TNK2: variants seen among roughly 807,000 people sequenced by gnomAD.
The protein encoded by TNK2 is tyrosine kinase non receptor 2.
Under a neutral mutation model 101.8 loss-of-function variants are expected in TNK2, and 83 were observed. The observed-to-expected ratio is 0.82, with a 90% CI of 0.68 to 0.98. TNK2 has a LOEUF of 0.98. Ranked by LOEUF, TNK2 falls within the 50% of genes least tolerant of loss-of-function variation. TNK2 has a pLI of 0.00. For missense variants in TNK2, 1,665 were observed against 1,483.2 expected (o/e 1.12, Z -2.01); for synonymous variants, 804 against 633.0 (o/e 1.27, Z -4.06).
At chr3:195,871,158 G>A (rs1745014929) in intron 10 of TNK2, among the ~76,000 whole-genome samples, 1 of 151,766 alleles carries the variant, frequency 6.6e-6, no homozygotes, top group South Asian at 2.1e-4. Context: ...TCCCCCTGCG[G>A]CCAGCAGAGA....
chr3:195,872,497 C>T lies in TNK2; in HGVS notation c.1257-27G>A, dbSNP rs112119526. 6.9e-5 allele frequency: 107 copies of T among 1,554,924 alleles called. No individual in the cohort carries two copies. In the African/African-American group the frequency reaches 7.9e-4, roughly 11 times the overall value. On this transcript the variant is annotated intron_variant, in intron 9 of 15. Transcript: ENST00000672887. ...TGCGCGACAGAGATGGCACGGTGAA[C>T]GCCAGGCGTGGCGGGGCAGCCCCGG...
At chr3:195,868,819 TC>T (rs1356836548) in intron 12 of TNK2, 110 bp from the exon 13 acceptor site, 1 of 1,300,472 alleles carries the variant, frequency 7.7e-7, no homozygotes, top group African/African-American at 1.6e-5. Context: ...AACCCTCCAC[TC>T]CCAACTCCCC....
chr3:195,867,237 T>G lies in TNK2; in HGVS notation c.2965A>C (p.Thr989Pro). Residue 989 changes from threonine (T) to proline (P), a missense_variant, in exon 14 of 16, where the codon ACA becomes CCA. By Grantham distance (38) the Thr-to-Pro change is conservative. Transcript: ENST00000672887. ...MLQAMVHGVT[T>P]EECQAALQCH... ...TGCAGGGCCGCCTGGCACTCCTCTG[T>G]GGTCACCCCATGCACCATGGCCTGC... 6.2e-7 allele frequency: 1 copy of G among 1,612,926 alleles called. No homozygotes were observed. The highest frequency in any genetic ancestry group is 8.5e-7 in the Non-Finnish European group (1 of 1,179,868).
intron 1 of TNK2, among the ~76,000 whole-genome samples, chr3:195,906,158 C>A (rs1451465603): frequency 6.6e-6 from 1 of 152,134 alleles, no homozygotes; most frequent in Non-Finnish European, 1.5e-5. Flanking sequence ...AAATTAGAGA[C>A]TGACCACATC....
Position 195,887,009 on chromosome 3 carries a change from C to T in TNK2, c.202G>A (p.Ala68Thr), listed in dbSNP as rs886348574. The T allele has an allele frequency of 2.5e-6, 4 of 1,614,104 alleles. No homozygotes were observed. Among genetic ancestry groups the T allele is most frequent in the African/African-American group, 1.3e-5 (1 of 74,944 alleles). ...ATCCACGACTTGCGTTTGCACAAGG[C>T]CTTCCTCCTCTTCACAGCCTCCCAC... is the stretch of plus-strand genomic sequence containing the variant. ...RLWEAVKRRK[A>T]LCKRKSWMSK... Residue 68 changes from alanine (A) to threonine (T), a missense_variant, in exon 3 of 16, where the codon GCC (alanine) becomes ACC (threonine). By Grantham distance (58) the Ala-to-Thr change is moderately conservative. Coordinates refer to ENST00000672887, the MANE Select transcript of TNK2 (RefSeq NM_001382273.1).
At chr3:195,873,780 A>G (rs947991187) in intron 9 of TNK2, among the ~76,000 whole-genome samples, 1 of 151,868 alleles carries the variant, frequency 6.6e-6, no homozygotes, top group Middle Eastern at 3.4e-3. Context: ...AGCCCATCCC[A>G]GAGACCAAAG....
rs1449879950 is a variant in TNK2 at position 195,867,488 on chromosome 3, T to C, written c.2810A>G (p.Asn937Ser). Residue 937 changes from asparagine (N) to serine (S), a missense_variant, in exon 13 of 16, where the codon AAC (asparagine) becomes AGC (serine). This residue lies in a region of TNK2 where 1,136 missense variants were observed against 894.9 expected (regional missense o/e 1.27). Transcript: ENST00000672887. ...MPQAALDPKA[N>S]FSTNNSNPGA... is the part of the protein sequence containing the mutation. ...TGGGTTGCTGTTGTTGGTGGAGAAG[T>C]TGGCCTTGGGGTCCAAGGCAGCCTG... is the stretch of plus-strand genomic sequence containing the variant. 1.9e-6 allele frequency: 3 copies of C among 1,574,702 alleles called. No individual in the cohort carries two copies. The highest frequency in any genetic ancestry group is 2.6e-6 in the Non-Finnish European group (3 of 1,168,432).
At chr3:195,881,529 G>A (rs1202090951) in intron 6 of TNK2, among the ~76,000 whole-genome samples, 6 of 51,292 alleles carry the variant, frequency 1.2e-4, no homozygotes, top group Admixed American at 2.7e-4. Flanking sequence ...ATCTATCCCT[G>A]TAACACCCCC....
intron 2 of TNK2, among the ~76,000 whole-genome samples, chr3:195,887,765 GTGTGTGCGTCTGCGCGCGTGTGTGTACA>G (rs1235449009): frequency 7.1e-6 from 1 of 140,346 alleles, no homozygotes; most frequent in Non-Finnish European, 1.5e-5. Flanking sequence ...GTGTGCGCAC[GTGTGTGCGTCTGCGCGCGTGTGTGTACA>G]TGTGTGTATG....
In TNK2 at chr3:195,888,434, C is replaced by A; in HGVS notation, c.155G>T (p.Gly52Val). The A allele has an allele frequency of 6.2e-7, 1 of 1,613,516 alleles. No individual in the cohort carries two copies. Among genetic ancestry groups the A allele is most frequent in the Non-Finnish European group, 8.5e-7 (1 of 1,179,602 alleles). The part of the protein sequence containing the change: ...KNEDLEKIGM[G>V]RPGQRRLWEA... ...GCCAACATCCCACCTACCAGGCCGA[C>A]CCATGCCGATCTTCTCCAGGTCCTC... The change falls in exon 2 of 16, where the codon GGT becomes GTT. Residue 52 changes from glycine to valine, a missense_variant. Gly to Val is a moderately radical substitution (Grantham distance 109). Transcript: ENST00000672887. The surrounding 1 kb of genome is among the most constrained non-coding windows in gnomAD (Gnocchi z 5.3).
At chr3:195,889,085 G>T (rs1186894676) in intron 1 of TNK2, among the ~76,000 whole-genome samples, 1 of 152,062 alleles carries the variant, frequency 6.6e-6, no homozygotes, top group Non-Finnish European at 1.5e-5. Context: ...CTCAGGGTCA[G>T]ATGAGCTCTA....
chr3:195,868,675 G>C lies in TNK2; in HGVS notation c.1623C>G (p.Asp541Glu). The part of the protein sequence containing the change: ...PTYDPVSEDQ[D>E]PLSSDFKRLG... ...GCCTCTTGAAGTCGCTGGACAAGGG[G>C]TCTTGGTCCTCGCTCACAGGGTCAT... Residue 541 changes from aspartate (D) to glutamate (E), a missense_variant, in exon 13 of 16, where the codon GAC becomes GAG. Asp to Glu is a conservative substitution (Grantham distance 45, BLOSUM62 2). Around this residue, in one of 3 missense-constraint regions of TNK2, gnomAD observed 1,136 missense variants for 894.9 expected, o/e 1.27. Transcript: ENST00000672887. The C allele has an allele frequency of 1.3e-6, 2 of 1,592,672 alleles. No homozygotes were observed. Among genetic ancestry groups the C allele is most frequent in the African/African-American group, 1.3e-5 (1 of 74,124 alleles).
chr3:195,875,825 G>A (rs1748857691), intron 9 of TNK2, among the ~76,000 whole-genome samples: 1 of 152,168 alleles, frequency 6.6e-6, no homozygotes, highest in African/African-American at 2.4e-5. Flanking sequence ...CCGGGCCTCT[G>A]GTCAACATCT....
At chr3:195,889,482 G>A (rs1353884370) in intron 1 of TNK2, among the ~76,000 whole-genome samples, 1 of 151,574 alleles carries the variant, frequency 6.6e-6, no homozygotes, top group African/African-American at 2.4e-5. Flanking sequence ...TGCCAGTGAT[G>A]TCTTCTGCGG....
intron 4 of TNK2, 129 bp downstream of exon 4, chr3:195,884,683 A>G (rs1754795259): frequency 1.3e-6 from 1 of 787,954 alleles, no homozygotes; most frequent in Non-Finnish European, 2.0e-6. Flanking sequence ...AATCCTGAGC[A>G]CGGACTCTGG....
intron 1 of TNK2, chr3:195,896,263 A>G (rs546369766): frequency 2.5e-5 from 9 of 366,406 alleles, no homozygotes; most frequent in Non-Finnish European, 4.9e-5. Flanking sequence ...ACTCTTTAGT[A>G]CCAGGTATTT....
chr3:195,881,866 C>T (rs577522183), intron 6 of TNK2, among the ~76,000 whole-genome samples, 185 bp downstream of exon 6: 93 of 152,202 alleles, frequency 6.1e-4, no homozygotes, highest in Admixed American at 1.2e-3. Flanking sequence ...GACCCTGGCA[C>T]GTGGGCCCTC....
At chr3:195,883,021 C>T in intron 5 of TNK2, 136 bp downstream of exon 5, 1 of 1,023,260 alleles carries the variant, frequency 9.8e-7, no homozygotes, top group Non-Finnish European at 1.4e-6. Context: ...CCCTGTGGAC[C>T]CCTTTACTCC....
chr3:195,905,752 A>G (rs930834473), intron 1 of TNK2, among the ~76,000 whole-genome samples: 2 of 152,246 alleles, frequency 1.3e-5, no homozygotes, highest in Non-Finnish European at 2.9e-5. Flanking sequence ...TTTCTTGGAC[A>G]TGACACCAAA....
Sources: gnomAD v4.1 joint callset for allele counts (sites outside exome capture counted in the v4.1 genomes callset) on GRCh38, gnomAD v4.1.1 for gene constraint, gnomAD v4.1.1 regional missense constraint, Gnocchi (gnomAD v3.1) non-coding constraint, MANE v1.5 for transcripts, NCBI Gene and HGNC (gene_info 2026-07-23, HGNC 2026-07-21) for gene names.